The following RASA1 variants were observed in gnomAD, a reference collection of about 807,000 sequenced individuals.
RASA1 encodes RAS p21 protein activator 1.
In RASA1, 25 loss-of-function variants were observed where a neutral mutation model predicts 132.2. That is an observed-to-expected ratio of 0.19 (90% CI 0.14 to 0.26). The LOEUF (loss-of-function observed/expected upper bound fraction) is 0.26, where lower values mean the gene tolerates loss of function less well. RASA1 is among the 10% of genes least tolerant of loss of function. The probability of loss-of-function intolerance (pLI) is 1.00; values close to 1 mark genes in which losing one functional copy is unlikely to be tolerated. For synonymous variants in RASA1, 477 were observed against 449.9 expected, an observed-to-expected ratio of 1.06 and a Z score of -0.76; for missense variants, 964 against 1,299.2, an observed-to-expected ratio of 0.74 and a Z score of 3.97.
intron 1 of RASA1, among the ~76,000 whole-genome samples, chr5:87,277,563 G>A (rs1311896274): frequency 6.6e-6 from 1 of 152,124 alleles, no homozygotes; most frequent in Non-Finnish European, 1.5e-5. Context: ...AAGCTTGCCA[G>A]CACTTTGATA....
intron 1 of RASA1, among the ~76,000 whole-genome samples, chr5:87,272,013 G>T (rs910665041): frequency 1.3e-5 from 2 of 151,756 alleles, no homozygotes; most frequent in African/African-American, 4.8e-5. Context: ...TCAGCCGGTC[G>T]TGTTGGCGGG....
chr5:87,362,626 G>A lies in RASA1; in HGVS notation c.1408G>A (p.Ala470Thr), dbSNP rs144748261. 10 of 1,600,002 alleles carry A rather than the reference G, an allele frequency of 6.2e-6. No homozygotes were observed. The African/African-American group carries it at 1.2e-4, about 19-fold the overall frequency. Residue 470 changes from alanine (A) to threonine (T), a missense_variant, in exon 10 of 25, where the codon GCC becomes ACC. Physicochemically the swap from Ala to Thr is moderately conservative, Grantham distance 58 (BLOSUM62 0). Around this residue, in one of 6 missense-constraint regions of RASA1, gnomAD observed 346 missense variants for 520.1 expected, o/e 0.67. Transcript: ENST00000274376. ...YNTIRRKTKD[A>T]FYKNIVKKGY... is the part of the protein sequence containing the mutation. ...TACCATCCGTCGTAAAACAAAGGATGCCTTTTATAAAAACATTGTTAAGAA... is the reference window on the plus strand; with the variant it reads ...TACCATCCGTCGTAAAACAAAGGATACCTTTTATAAAAACATTGTTAAGAA...
chr5:87,268,349 C>T lies in RASA1; in HGVS notation c.-103C>T. ...GTTGTTGTTTCCTCAGCCTGGGGAG[C>T]TGAAGGGGAGACGCGTCTGGGTGGG... On this transcript the variant is annotated 5_prime_UTR_variant, in exon 1 of 25. Coordinates refer to ENST00000274376, the MANE Select transcript of RASA1 (RefSeq NM_002890.3). The T allele has an allele frequency of 7.3e-7, 1 of 1,370,422 alleles. No individual in the cohort carries two copies. Among genetic ancestry groups the T allele is most frequent in the Non-Finnish European group, 9.7e-7 (1 of 1,032,548 alleles). The allele number at this position is 1,370,422 out of a possible 1,614,324, so 84.9% of individuals were successfully genotyped here. A position where few individuals can be genotyped will look rare whatever the true frequency, so the allele number is the denominator to read the frequency against.
chr5:87,363,294 T>A (rs1237311522), intron 10 of RASA1, 54 bp from the exon 11 acceptor site: 2 of 1,424,192 alleles, frequency 1.4e-6, no homozygotes. Context: ...TTTAATAATA[T>A]GTAGGATTTC....
At chr5:87,368,626 C>T (rs899492207) in intron 11 of RASA1, among the ~76,000 whole-genome samples, 1 of 152,204 alleles carries the variant, frequency 6.6e-6, no homozygotes, top group Non-Finnish European at 1.5e-5. Flanking sequence ...CATGAAGGCA[C>T]AGCCCTTCAG....
intron 1 of RASA1, among the ~76,000 whole-genome samples, chr5:87,274,768 T>A (rs1324187107): frequency 6.6e-6 from 1 of 152,192 alleles, no homozygotes; most frequent in East Asian, 1.9e-4. Flanking sequence ...AGCAGGTATG[T>A]TTTTCCTGCT....
Position 87,341,293 on chromosome 5 carries a change from C to T in RASA1, c.1021C>T (p.Arg341Trp), listed in dbSNP as rs1758423506. Residue 341 changes from arginine to tryptophan, a missense_variant, in exon 6 of 25, where the codon CGG (arginine) becomes TGG (tryptophan). By Grantham distance (101) the Arg-to-Trp change is moderately radical. This residue lies in a region of RASA1 where 154 missense variants were observed against 286.5 expected (regional missense o/e 0.54). Transcript: ENST00000274376. ...TGTCTTAATGTCTTCCCTTTAGGGC[C>T]GGGAAGAAGATCCACATGAAGGAAA... ...IVEDLVEEVGREEDPHEGKIW... is the reference protein window; with the variant it reads ...IVEDLVEEVGWEEDPHEGKIW... 4.5e-6 allele frequency: 6 copies of T among 1,340,458 alleles called. No individual in the cohort carries two copies. The highest frequency in any genetic ancestry group is 5.9e-5 in the East Asian group (2 of 33,684). 83.0% of individuals were successfully genotyped at this position (1,340,458 alleles called of 1,614,324 possible).
intron 22 of RASA1, among the ~76,000 whole-genome samples, chr5:87,386,533 G>C (rs1762073376): frequency 6.6e-6 from 1 of 151,918 alleles, no homozygotes; most frequent in Non-Finnish European, 1.5e-5. Flanking sequence ...ATTTGTGCTT[G>C]GGTCCAGAAT....
intron 5 of RASA1, among the ~76,000 whole-genome samples, chr5:87,339,251 T>C (rs141144625): frequency 6.6e-6 from 1 of 152,148 alleles, no homozygotes; most frequent in African/African-American, 2.4e-5. Context: ...ACATACTGAG[T>C]AGAGGTGGGA....
chr5:87,374,963 A>G (rs755857004), intron 15 of RASA1, 47 bp downstream of exon 15: 1 of 1,567,748 alleles, frequency 6.4e-7, no homozygotes, highest in Admixed American at 1.8e-5. Flanking sequence ...CATGTTTTAT[A>G]TACTTTCAAA....
chr5:87,379,944 A>G (rs551271377), intron 19 of RASA1, 94 bp downstream of exon 19: 17 of 1,237,412 alleles, frequency 1.4e-5, no homozygotes, highest in Non-Finnish European at 2.0e-5. Flanking sequence ...TGTTGTCCTA[A>G]TATTATTATA....
At chr5:87,328,251 CAG>C (rs1226266269) in intron 1 of RASA1, among the ~76,000 whole-genome samples, 1 of 152,076 alleles carries the variant, frequency 6.6e-6, no homozygotes, top group Non-Finnish European at 1.5e-5. Context: ...ATGTTACACT[CAG>C]AGTATTCTCA....
intron 9 of RASA1, among the ~76,000 whole-genome samples, chr5:87,360,656 A>G (rs969677848): frequency 6.6e-6 from 1 of 152,222 alleles, no homozygotes; most frequent in East Asian, 1.9e-4. Flanking sequence ...TGATGTACAT[A>G]CAAAAATTTA....
At chr5:87,311,307 G>T (rs752952931) in intron 1 of RASA1, among the ~76,000 whole-genome samples, 1 of 152,146 alleles carries the variant, frequency 6.6e-6, no homozygotes, top group East Asian at 1.9e-4. Flanking sequence ...AAATTTTCAA[G>T]CAAAAATTAG....
chr5:87,325,558 A>G (rs1188570166), intron 1 of RASA1, among the ~76,000 whole-genome samples: 1 of 152,234 alleles, frequency 6.6e-6, no homozygotes, highest in East Asian at 1.9e-4. Context: ...ACAGAGTCCC[A>G]AGTGATTCAG....
rs1757675654 is a variant in RASA1, at chr5:87,332,490, T to G, written c.693-17T>G. On this transcript the variant is annotated splice_polypyrimidine_tract_variant and intron_variant, in intron 2 of 24. Transcript: ENST00000274376. Reference sequence around the variant, plus strand: ...TGTAAAGATTTTTTTATACTGTATTTTTTCCTGTTCAAATAGGATTATTGC... The same window carrying G: ...TGTAAAGATTTTTTTATACTGTATTGTTTCCTGTTCAAATAGGATTATTGC... 1 of 1,599,722 alleles carries G rather than the reference T, an allele frequency of 6.3e-7. No homozygotes were observed. The highest frequency in any genetic ancestry group is 1.3e-5 in the African/African-American group (1 of 74,558).
intron 18 of RASA1, among the ~76,000 whole-genome samples, chr5:87,378,772 A>T (rs1167730811): frequency 6.6e-6 from 1 of 152,170 alleles, no homozygotes; most frequent in Non-Finnish European, 1.5e-5. Context: ...AATTCATGAA[A>T]ATACTTTGTC....
chr5:87,378,098 T>G (rs1000125560), intron 17 of RASA1, among the ~76,000 whole-genome samples: 15 of 152,232 alleles, frequency 9.9e-5, no homozygotes, highest in African/African-American at 3.4e-4. Flanking sequence ...ATTTTATCAT[T>G]AGCTGTCTAA....
At chr5:87,322,348 ACTC>A (rs1438592124) in intron 1 of RASA1, among the ~76,000 whole-genome samples, 1 of 151,948 alleles carries the variant, frequency 6.6e-6, no homozygotes, top group Non-Finnish European at 1.5e-5. Flanking sequence ...CCTATTGTGA[ACTC>A]CTCACGTGAG....
Sources: allele counts gnomAD v4.1 joint callset (sites outside exome capture counted in the v4.1 genomes callset), GRCh38; gene constraint gnomAD v4.1.1; regional missense constraint gnomAD v4.1.1; transcripts MANE v1.5; gene names NCBI Gene and HGNC (gene_info 2026-07-23, HGNC 2026-07-21).